The following IQCH variants were observed in gnomAD, a reference collection of about 807,000 sequenced individuals.
The protein encoded by IQCH is IQ motif containing H.
IQCH carries 98 observed loss-of-function variants against 117.0 expected under a neutral mutation model. The observed-to-expected ratio is 0.84, with a 90% CI of 0.71 to 0.99. The LOEUF is 0.99. IQCH is among the 50% of genes least tolerant of loss of function. The probability of loss-of-function intolerance (pLI) is 0.00; values close to 1 mark genes in which losing one functional copy is unlikely to be tolerated. For missense variants in IQCH, 1,102 were observed against 1,243.8 expected (o/e 0.89, Z 1.72); for synonymous variants, 412 against 448.2 (o/e 0.92, Z 1.02).
intron 16 of IQCH, among the ~76,000 whole-genome samples, chr15:67,438,698 T>C (rs1458094978): frequency 6.6e-6 from 1 of 152,068 alleles, no homozygotes; most frequent in Non-Finnish European, 1.5e-5. Flanking sequence ...CACATAAACT[T>C]AAAGGGGTGA....
chr15:67,479,770 A>C lies in IQCH; in HGVS notation c.2799+3952A>C, dbSNP rs2083296827. On this transcript the variant is annotated intron_variant, in intron 18 of 20. Transcript: ENST00000335894. This position sits in a 1 kb window ranked among gnomAD's most constrained non-coding sequence, Gnocchi z 4.6. The stretch of plus-strand genomic sequence containing the variant: ...GCAACATTAATAACACATCATTGTC[A>C]GTGCTACCAAAAGAAGAATCCTCAA... 6.6e-6 allele frequency among the ~76,000 whole-genome samples: 1 copy of C among 152,218 alleles called. No homozygotes were observed. The highest frequency in any genetic ancestry group is 1.5e-5 in the Non-Finnish European group (1 of 68,034).
At chr15:67,343,976 G>T (rs963674452) in intron 5 of IQCH, 87 bp from the exon 6 acceptor site, 5 of 1,169,068 alleles carry the variant, frequency 4.3e-6, no homozygotes, top group Admixed American at 4.3e-5. Flanking sequence ...GATGAATGGA[G>T]TAAGTTACAC....
chr15:67,498,564 C>T (rs1487826358), intron 20 of IQCH, among the ~76,000 whole-genome samples: 1 of 149,832 alleles, frequency 6.7e-6, no homozygotes, highest in Non-Finnish European at 1.5e-5. Flanking sequence ...TGCAGTGAGC[C>T]GAGATTGCAC....
intron 10 of IQCH, among the ~76,000 whole-genome samples, chr15:67,374,717 C>G (rs993934576): frequency 2.0e-5 from 3 of 152,126 alleles, no homozygotes; most frequent in Non-Finnish European, 4.4e-5. Context: ...GAATTTCATT[C>G]TAAGTTAGGC....
chr15:67,415,313 C>T (rs1237627093), intron 14 of IQCH, among the ~76,000 whole-genome samples: 1 of 152,196 alleles, frequency 6.6e-6, no homozygotes, highest in Non-Finnish European at 1.5e-5. Context: ...CAAGACAGAG[C>T]TCTCTGCATG....
chr15:67,498,511 G>A (rs2083887239), intron 20 of IQCH, among the ~76,000 whole-genome samples: 1 of 151,858 alleles, frequency 6.6e-6, no homozygotes, highest in Non-Finnish European at 1.5e-5. Context: ...AGCTACTCAG[G>A]AGGCTGAGGC....
Position 67,388,977 on chromosome 15 carries a change from A to G in IQCH, c.1603A>G (p.Ile535Val). 6.2e-7 allele frequency: 1 copy of G among 1,613,948 alleles called. No homozygotes were observed. Among genetic ancestry groups the G allele is most frequent in the Non-Finnish European group, 8.5e-7 (1 of 1,179,856 alleles). The change falls in exon 12 of 21, where the codon ATC becomes GTC. Residue 535 changes from isoleucine (I) to valine (V), a missense_variant. By Grantham distance (29) the Ile-to-Val change is conservative. This residue lies in a region of IQCH where 650 missense variants were observed against 794.3 expected (regional missense o/e 0.82). Coordinates refer to ENST00000335894, the MANE Select transcript of IQCH (RefSeq NM_001031715.3). The surrounding 1 kb of genome is among the most constrained non-coding windows in gnomAD (Gnocchi z 5.5). ...TGACCTGCAGGACAGGTTCAAAATT[A>G]TCACACCTGAAGCTGTAAACATCTT... is the stretch of plus-strand genomic sequence containing the variant. ...RSDLQDRFKI[I>V]TPEAVNIFPK...
At chr15:67,314,600 T>C (rs892028343) in intron 4 of IQCH, among the ~76,000 whole-genome samples, 18 of 152,276 alleles carry the variant, frequency 1.2e-4, no homozygotes, top group African/African-American at 4.3e-4. Flanking sequence ...ATTGTTCTTA[T>C]TTAAAATAGG....
chr15:67,336,775 T>G (rs182786665), intron 4 of IQCH, among the ~76,000 whole-genome samples, 200 bp from the exon 5 acceptor site: 2 of 152,334 alleles, frequency 1.3e-5, no homozygotes, highest in Admixed American at 1.3e-4. Context: ...TTGGATTTAA[T>G]TAACTATTTT....
At chr15:67,270,946 T>A (rs1013800428) in intron 3 of IQCH, among the ~76,000 whole-genome samples, 2 of 152,204 alleles carry the variant, frequency 1.3e-5, no homozygotes, top group African/African-American at 4.8e-5. Context: ...ATTGATTGAT[T>A]TGACTGTGTT....
At position 67,369,562 on chromosome 15, in the gene IQCH, G is replaced by A. The variant is rs1252531957; in HGVS notation, c.754-2549G>A. Among the ~76,000 whole-genome samples the A allele has an allele frequency of 6.6e-6, 1 of 151,874 alleles. No individual in the cohort carries two copies. On this transcript the variant is annotated intron_variant, in intron 8 of 20. Transcript: ENST00000335894. This position sits in a 1 kb window ranked among gnomAD's most constrained non-coding sequence, Gnocchi z 5.2. ...GGAGGGAGGGAGGAAGGAAGAAAAG[G>A]AAGGAGGGAGGAAAGAAGGCAGAGG...
intron 1 of IQCH, among the ~76,000 whole-genome samples, chr15:67,257,004 C>A (rs1026208914): frequency 6.6e-6 from 1 of 152,214 alleles, no homozygotes; most frequent in Non-Finnish European, 1.5e-5. Context: ...ACTGTGCCAA[C>A]GTGGATTCCA....
intron 4 of IQCH, among the ~76,000 whole-genome samples, chr15:67,302,858 AAAC>A (rs60730280): frequency 5.9e-5 from 9 of 152,206 alleles, no homozygotes; most frequent in Non-Finnish European, 1.0e-4. Context: ...CTCCGTCTCA[AAAC>A]AACAACAACA....
At position 67,475,334 on chromosome 15, in the gene IQCH, C is replaced by A. The variant is rs531500895; in HGVS notation, c.2677-362C>A. Among the ~76,000 whole-genome samples, 12 of 151,920 alleles carry A rather than the reference C, an allele frequency of 7.9e-5. No homozygotes were observed. The highest frequency in any genetic ancestry group is 2.9e-4 in the African/African-American group (12 of 41,336). On this transcript the variant is annotated intron_variant, in intron 17 of 20. Coordinates refer to ENST00000335894, the MANE Select transcript of IQCH (RefSeq NM_001031715.3). This position sits in a 1 kb window ranked among gnomAD's most constrained non-coding sequence, Gnocchi z 5.7. Reference sequence around the variant, plus strand: ...TCTACAAAAAAATAATAAAGTTAACCAGGTGTGGTGGCATGCACCTGTAGT... The same window carrying A: ...TCTACAAAAAAATAATAAAGTTAACAAGGTGTGGTGGCATGCACCTGTAGT...
intron 4 of IQCH, among the ~76,000 whole-genome samples, chr15:67,280,213 T>C (rs1433614027): frequency 2.0e-5 from 3 of 152,206 alleles, no homozygotes; most frequent in Non-Finnish European, 2.9e-5. Context: ...ACAAAAGAGC[T>C]TTCTTCAGAA....
chr15:67,379,310 A>C (rs1426985494), intron 10 of IQCH, among the ~76,000 whole-genome samples: 2 of 152,202 alleles, frequency 1.3e-5, no homozygotes, highest in Non-Finnish European at 2.9e-5. Flanking sequence ...TTGACTTTAT[A>C]CTAAACTCCA....
At chr15:67,261,512 G>C (rs1489751654) in intron 2 of IQCH, 118 bp downstream of exon 2, 10 of 755,902 alleles carry the variant, frequency 1.3e-5, no homozygotes, top group Non-Finnish European at 1.9e-5. Flanking sequence ...ATTTAGGGCA[G>C]TCGTCAGCAT....
intron 4 of IQCH, among the ~76,000 whole-genome samples, chr15:67,296,002 C>A (rs935669767): frequency 4.6e-5 from 7 of 152,120 alleles, no homozygotes; most frequent in Non-Finnish European, 2.9e-5. Context: ...ATTCTCTATC[C>A]CATTATCCTA....
At chr15:67,287,230 T>C (rs1265598771) in intron 4 of IQCH, among the ~76,000 whole-genome samples, 6 of 152,188 alleles carry the variant, frequency 3.9e-5, no homozygotes, top group Admixed American at 2.6e-4. Flanking sequence ...CATAGTTTTT[T>C]CTCTTTTTAA....
Sources: gnomAD v4.1 joint callset for allele counts (sites outside exome capture counted in the v4.1 genomes callset) on GRCh38, gnomAD v4.1.1 for gene constraint, gnomAD v4.1.1 regional missense constraint, Gnocchi (gnomAD v3.1) non-coding constraint, MANE v1.5 for transcripts, NCBI Gene and HGNC (gene_info 2026-07-23, HGNC 2026-07-21) for gene names.